Variants in EPHA6 observed in about 807,000 individuals in gnomAD.
The protein encoded by EPHA6 is ephrin type-A receptor 6.
EPHA6 carries 50 observed loss-of-function variants against 112.0 expected under a neutral mutation model. The ratio of observed to expected loss-of-function variants is 0.45; its 90% CI spans 0.36 to 0.56. EPHA6 has a LOEUF of 0.56. EPHA6 is among the 20% of genes least tolerant of loss of function. The pLI, the probability that EPHA6 is intolerant of heterozygous loss-of-function variation, is 0.00. For synonymous variants in EPHA6, 529 were observed against 490.7 expected (o/e 1.08, Z -1.03); for missense variants, 1,280 against 1,417.4 (o/e 0.90, Z 1.56).
At chr3:97,581,107 CTCTG>C (rs1034525615) in intron 11 of EPHA6, among the ~76,000 whole-genome samples, 2 of 152,210 alleles carry the variant, frequency 1.3e-5, no homozygotes, top group African/African-American at 4.8e-5. Flanking sequence ...AAGATCGTCT[CTCTG>C]TCTGTCTCTT....
chr3:97,717,309 C>T (rs1165448085), intron 14 of EPHA6, among the ~76,000 whole-genome samples: 1 of 149,558 alleles, frequency 6.7e-6, no homozygotes, highest in East Asian at 2.0e-4. Flanking sequence ...TAATGTTGTT[C>T]ATTTTAACAA....
chr3:97,515,525 CA>C (rs1198476625), intron 10 of EPHA6, among the ~76,000 whole-genome samples: 1 of 152,138 alleles, frequency 6.6e-6, no homozygotes, highest in Non-Finnish European at 1.5e-5. Flanking sequence ...GTGCATTAAG[CA>C]GAGCTAGTTT....
chr3:97,244,369 G>T, intron 5 of EPHA6, 82 bp downstream of exon 5: 1 of 1,212,372 alleles, frequency 8.2e-7, no homozygotes, highest in Non-Finnish European at 1.2e-6. Flanking sequence ...TGTATTTATT[G>T]CAGGTGCTAT....
chr3:97,378,852 G>T (rs2109011556), intron 5 of EPHA6, among the ~76,000 whole-genome samples: 1 of 152,142 alleles, frequency 6.6e-6, no homozygotes, highest in Admixed American at 6.5e-5. Flanking sequence ...GATTTTACAG[G>T]CTGATGGGCA....
At chr3:97,073,277 G>A (rs757982207) in intron 3 of EPHA6, among the ~76,000 whole-genome samples, 29 of 152,158 alleles carry the variant, frequency 1.9e-4, no homozygotes, top group Non-Finnish European at 2.6e-4. Flanking sequence ...CCTTCATGCC[G>A]CTCGTTGTTT....
rs144643787 is a variant in EPHA6, at chr3:97,188,539, T to C, written c.1115-37725T>C. ...AAAGGCTTCAACTGTATCTTTAAGA[T>C]TTTATTTGCTTTAGAAAGAAATAAA... On this transcript the variant is annotated intron_variant, in intron 3 of 17. Transcript: ENST00000389672. 7.0e-3 allele frequency among the ~76,000 whole-genome samples: 1,071 copies of C among 152,174 alleles called. 17 individuals carry two copies. Among genetic ancestry groups the C allele is most frequent in the African/African-American group, 0.025 (1,027 of 41,572 alleles).
chr3:97,297,627 T>G (rs1270915121), intron 5 of EPHA6, among the ~76,000 whole-genome samples: 1 of 152,174 alleles, frequency 6.6e-6, no homozygotes, highest in South Asian at 2.1e-4. Flanking sequence ...AGTAGTAAAG[T>G]CCATATCTCA....
chr3:97,678,593 A>C (rs901623173), intron 14 of EPHA6, among the ~76,000 whole-genome samples: 12 of 152,152 alleles, frequency 7.9e-5, no homozygotes, highest in African/African-American at 2.2e-4. Flanking sequence ...GAATCCTAGA[A>C]AGGTGATTTA....
intron 6 of EPHA6, among the ~76,000 whole-genome samples, chr3:97,436,513 C>T (rs902347875): frequency 2.0e-5 from 3 of 152,128 alleles, no homozygotes; most frequent in African/African-American, 4.8e-5. Flanking sequence ...AAGGAATTCT[C>T]ATGCTTATAT....
At chr3:97,246,177 C>G (rs910385640) in intron 5 of EPHA6, among the ~76,000 whole-genome samples, 1 of 151,946 alleles carries the variant, frequency 6.6e-6, no homozygotes, top group Non-Finnish European at 1.5e-5. Flanking sequence ...CTGTTCCTCT[C>G]TGCTTCAGCA....
intron 5 of EPHA6, among the ~76,000 whole-genome samples, chr3:97,351,827 G>A (rs2083829583): frequency 1.3e-5 from 2 of 152,074 alleles, no homozygotes; most frequent in African/African-American, 4.8e-5. Flanking sequence ...AGTATAGTTT[G>A]GAAGATGAGA....
At chr3:97,293,973 C>T (rs2080788042) in intron 5 of EPHA6, among the ~76,000 whole-genome samples, 2 of 152,222 alleles carry the variant, frequency 1.3e-5, no homozygotes, top group South Asian at 4.1e-4. Flanking sequence ...TGCAAACCAC[C>T]CCAGCTGGGG....
chr3:97,218,187 C>T (rs896744692), intron 3 of EPHA6, among the ~76,000 whole-genome samples: 3 of 151,910 alleles, frequency 2.0e-5, no homozygotes, highest in African/African-American at 7.3e-5. Flanking sequence ...GGGAGGACCA[C>T]CTGAGCTTGG....
At chr3:97,272,957 G>C (rs1232234662) in intron 5 of EPHA6, among the ~76,000 whole-genome samples, 5 of 152,138 alleles carry the variant, frequency 3.3e-5, no homozygotes, top group African/African-American at 1.2e-4. Context: ...GAGATAATGG[G>C]TAATGTATCT....
intron 10 of EPHA6, among the ~76,000 whole-genome samples, chr3:97,520,060 C>T (rs111548889): frequency 0.026 from 4,004 of 151,196 alleles, 171 homozygotes; most frequent in African/African-American, 0.087. Flanking sequence ...CTCTGCCTCC[C>T]GGGTTCATGC....
chr3:97,656,613 C>G (rs932839472), intron 14 of EPHA6, among the ~76,000 whole-genome samples: 3 of 151,736 alleles, frequency 2.0e-5, no homozygotes, highest in Non-Finnish European at 2.9e-5. Flanking sequence ...ATTTTCCTAC[C>G]TGGCTATCCA....
chr3:96,869,436 G>A (rs1232082730), intron 2 of EPHA6, among the ~76,000 whole-genome samples: 2 of 151,654 alleles, frequency 1.3e-5, no homozygotes, highest in Non-Finnish European at 2.9e-5. Context: ...CAACTTCTAG[G>A]CGAAAGGAGT....
At chr3:97,531,287 A>C (rs1408502947) in intron 10 of EPHA6, among the ~76,000 whole-genome samples, 1 of 152,056 alleles carries the variant, frequency 6.6e-6, no homozygotes, top group Non-Finnish European at 1.5e-5. Flanking sequence ...AAAAGTCTAG[A>C]ATTTCAAAGT....
intron 1 of EPHA6, among the ~76,000 whole-genome samples, chr3:96,859,193 T>C (rs2035868361): frequency 6.6e-6 from 1 of 152,080 alleles, no homozygotes; most frequent in Non-Finnish European, 1.5e-5. Flanking sequence ...CATGTTAAAG[T>C]AATAGTTATA....
Sources: allele counts gnomAD v4.1 joint callset (sites outside exome capture counted in the v4.1 genomes callset), GRCh38; gene constraint gnomAD v4.1.1; transcripts MANE v1.5; gene names NCBI Gene and HGNC (gene_info 2026-07-23, HGNC 2026-07-21).